STK24: variants seen among roughly 807,000 people sequenced by gnomAD.
STK24 encodes serine/threonine kinase 24.
In STK24, 21 loss-of-function variants were observed where a neutral mutation model predicts 55.6. That is an observed-to-expected ratio of 0.38 (90% confidence interval 0.27 to 0.54). STK24 has a LOEUF of 0.54. Ranked by LOEUF, STK24 falls within the 20% of genes least tolerant of loss-of-function variation. The pLI, the probability that STK24 is intolerant of heterozygous loss-of-function variation, is 0.79. For missense variants in STK24, 383 were observed against 538.4 expected (o/e 0.71, Z 2.86); for synonymous variants, 200 against 215.2 (o/e 0.93, Z 0.62).
chr13:98,575,122 AC>A (rs924903673), intron 1 of STK24, among the ~76,000 whole-genome samples: 79 of 152,188 alleles, frequency 5.2e-4, no homozygotes, highest in African/African-American at 1.9e-3. Context: ...GTAAGAAATT[AC>A]TTTTTTCACC....
chr13:98,528,665 T>A (rs1006686825), intron 1 of STK24, among the ~76,000 whole-genome samples: 2 of 152,212 alleles, frequency 1.3e-5, no homozygotes, highest in African/African-American at 4.8e-5. Flanking sequence ...TGTCATCATC[T>A]TCTTTTGATC....
intron 2 of STK24, among the ~76,000 whole-genome samples, chr13:98,490,330 G>T (rs907635281): frequency 4.6e-5 from 7 of 152,122 alleles, no homozygotes; most frequent in African/African-American, 1.7e-4. Context: ...CCTGACAAGT[G>T]AACTATTGCC....
chr13:98,472,547 G>A (rs1022556952), intron 5 of STK24, among the ~76,000 whole-genome samples: 11 of 152,204 alleles, frequency 7.2e-5, no homozygotes, highest in Non-Finnish European at 5.9e-5. Context: ...TCTACTTCAG[G>A]AGAGGAGGGA....
intron 2 of STK24, among the ~76,000 whole-genome samples, chr13:98,485,461 G>A (rs1004337138): frequency 1.1e-4 from 16 of 152,216 alleles, no homozygotes; most frequent in African/African-American, 3.6e-4. Context: ...TGCAGGGCCT[G>A]CAAAATATCT....
rs1430030180 is a variant in STK24, at chr13:98,482,373, T to A, written c.274-52A>T. 4.3e-5 allele frequency: 46 copies of A among 1,080,566 alleles called. No homozygotes were observed. In the East Asian group the frequency reaches 1.1e-3, roughly 25 times the overall value. The allele number at this position is 1,080,566 out of a possible 1,614,324, so 66.9% of individuals were successfully genotyped here. ...CATTTTCAAAATGAATCCAGGAAAA[T>A]TTTTTTTAATAATCAAAGGGTATTT... On this transcript the variant is annotated intron_variant, in intron 2 of 10. Transcript: ENST00000539966.
At chr13:98,462,622 A>G (rs1893757270) in intron 7 of STK24, among the ~76,000 whole-genome samples, 1 of 151,918 alleles carries the variant, frequency 6.6e-6, no homozygotes, top group East Asian at 1.9e-4. Context: ...ACATGCCCCA[A>G]CTGACACCCT....
At chr13:98,525,400 T>C (rs1896398274) in intron 1 of STK24, among the ~76,000 whole-genome samples, 1 of 152,142 alleles carries the variant, frequency 6.6e-6, no homozygotes, top group Non-Finnish European at 1.5e-5. Context: ...GGGCTCCGCC[T>C]TTTCTGAAGC....
chr13:98,487,404 T>C (rs1894848671), intron 2 of STK24, among the ~76,000 whole-genome samples: 1 of 152,226 alleles, frequency 6.6e-6, no homozygotes, highest in Non-Finnish European at 1.5e-5. Context: ...AATAAAAGTA[T>C]TCATTTAATT....
intron 1 of STK24, among the ~76,000 whole-genome samples, chr13:98,568,000 G>C (rs1239917424): frequency 7.1e-6 from 1 of 141,248 alleles, no homozygotes; most frequent in Non-Finnish European, 1.5e-5. Flanking sequence ...AGAAAACAGA[G>C]AACTTTTTTT....
intron 1 of STK24, among the ~76,000 whole-genome samples, chr13:98,549,431 C>T (rs1162484012): frequency 2.6e-5 from 4 of 152,200 alleles, no homozygotes; most frequent in Admixed American, 6.5e-5. Flanking sequence ...CCCCTTCAAA[C>T]TGCATGATGA....
chr13:98,576,529 G>C (rs981935029), intron 1 of STK24, among the ~76,000 whole-genome samples: 6 of 152,082 alleles, frequency 3.9e-5, no homozygotes, highest in African/African-American at 7.2e-5. Flanking sequence ...CGGTTCCTAC[G>C]GCTCCTGCAC....
intron 5 of STK24, among the ~76,000 whole-genome samples, chr13:98,470,132 G>C (rs569707325): frequency 6.6e-6 from 1 of 152,170 alleles, no homozygotes; most frequent in Non-Finnish European, 1.5e-5. Flanking sequence ...TAGGAAAAAT[G>C]ACAGCAGATC....
chr13:98,463,553 A>G, intron 7 of STK24, 138 bp downstream of exon 7: 2 of 1,068,154 alleles, frequency 1.9e-6, no homozygotes, highest in South Asian at 3.4e-5. Context: ...GGCTGTGTCT[A>G]ACACAACAAT....
At chr13:98,537,569 C>G (rs1289955947) in intron 1 of STK24, among the ~76,000 whole-genome samples, 1 of 152,186 alleles carries the variant, frequency 6.6e-6, no homozygotes, top group African/African-American at 2.4e-5. Flanking sequence ...CTACCCACAG[C>G]AGGACAGGGG....
At chr13:98,570,472 C>T (rs1897712384) in intron 1 of STK24, among the ~76,000 whole-genome samples, 1 of 152,082 alleles carries the variant, frequency 6.6e-6, no homozygotes, top group African/African-American at 2.4e-5. Flanking sequence ...GAAGATAAAC[C>T]CCAGCTACGT....
chr13:98,476,349 C>T (rs1433685459), intron 3 of STK24, among the ~76,000 whole-genome samples: 2 of 151,690 alleles, frequency 1.3e-5, no homozygotes, highest in Admixed American at 6.6e-5. Flanking sequence ...CGGAGCCAGA[C>T]AGAGGGCAGA....
At position 98,448,460 on chromosome 13, in the gene STK24, C is replaced by T. The variant is rs908244909; in HGVS notation, c.*4713G>A. ...AGCAGCTCTCCTGTCTCCACAGCCG[C>T]GTTTTTTAACCCCGACCTCTCAGCG... On this transcript the variant is annotated 3_prime_UTR_variant, in exon 11 of 11. Transcript: ENST00000539966. 27 of 675,886 alleles carry T rather than the reference C, an allele frequency of 4.0e-5. No homozygotes were observed. Among genetic ancestry groups the T allele is most frequent in the South Asian group, 2.2e-4 (12 of 54,600 alleles). 41.9% of individuals were successfully genotyped at this position (675,886 alleles called of 1,614,324 possible).
chr13:98,535,756 G>A (rs1320031919), intron 1 of STK24, among the ~76,000 whole-genome samples: 1 of 152,156 alleles, frequency 6.6e-6, no homozygotes, highest in Non-Finnish European at 1.5e-5. Flanking sequence ...AAGGATCATG[G>A]GTCATTCTCT....
chr13:98,552,963 C>T (rs551097094), intron 1 of STK24, among the ~76,000 whole-genome samples: 5 of 152,116 alleles, frequency 3.3e-5, no homozygotes, highest in African/African-American at 1.2e-4. Flanking sequence ...GCGATGGATT[C>T]AGGTGATGAC....
Sources: gnomAD v4.1 joint callset for allele counts (sites outside exome capture counted in the v4.1 genomes callset) on GRCh38, gnomAD v4.1.1 for gene constraint, MANE v1.5 for transcripts, NCBI Gene and HGNC (gene_info 2026-07-23, HGNC 2026-07-21) for gene names.